The following UNC13C variants were observed in gnomAD, a reference collection of about 807,000 sequenced individuals.
UNC13C encodes protein unc-13 homolog C.
A neutral mutation model predicts 245.4 loss-of-function variants in UNC13C; 174 were observed. The ratio of observed to expected loss-of-function variants is 0.71; its 90% CI spans 0.63 to 0.80. The LOEUF (loss-of-function observed/expected upper bound fraction) is 0.80. Ranked by LOEUF, UNC13C falls within the 30% of genes least tolerant of loss-of-function variation. UNC13C has a pLI of 0.00. For synonymous variants in UNC13C, 992 were observed against 895.1 expected, an observed-to-expected ratio of 1.11 and a Z score of -1.93; for missense variants, 2,829 against 2,602.9, an observed-to-expected ratio of 1.09 and a Z score of -1.89.
chr15:54,215,235 A>G (rs2035005208), intron 4 of UNC13C, among the ~76,000 whole-genome samples: 1 of 151,888 alleles, frequency 6.6e-6, no homozygotes, highest in African/African-American at 2.4e-5. Flanking sequence ...CATTGAGAAA[A>G]CCTTCAGGAG....
chr15:53,896,536 A>T, the UNC13C span, among the ~76,000 whole-genome samples: 1 of 152,122 alleles, frequency 6.6e-6, no homozygotes, highest in Non-Finnish European at 1.5e-5. Context: ...TATCATAATA[A>T]TACATGGGAT....
rs35981072 is a variant in UNC13C at position 54,020,441 on chromosome 15, A to ATT, written c.2983+4576_2983+4577dup. Among the ~76,000 whole-genome samples the ATT allele has an allele frequency of 8.9e-3, 946 of 106,820 alleles. 31 individuals carry two copies. In the East Asian group the frequency reaches 0.11, roughly 13 times the overall value. 70.1% of individuals were successfully genotyped at this position (106,820 alleles called of 152,430 possible). A position where few individuals can be genotyped will look rare whatever the true frequency, so the allele number is the denominator to read the frequency against. ...AGGCATGCACCACCACGCCCAGCTA[A>ATT]TTTTTTTTTTTTTTTTTTTTTTAAT... On this transcript the variant is annotated intron_variant, in intron 2 of 32. Transcript: ENST00000260323.
At chr15:54,425,742 G>A (rs1232582592) in intron 19 of UNC13C, among the ~76,000 whole-genome samples, 2 of 151,846 alleles carry the variant, frequency 1.3e-5, no homozygotes, top group African/African-American at 4.8e-5. Context: ...GTTTGACATA[G>A]TGTGTTTATT....
At chr15:53,839,898 A>G in the UNC13C span, among the ~76,000 whole-genome samples, 1 of 152,082 alleles carries the variant, frequency 6.6e-6, no homozygotes, top group African/African-American at 2.4e-5. Flanking sequence ...TTTATGGAAG[A>G]CTGAACTCTT....
At chr15:54,221,488 A>G (rs971609161) in intron 4 of UNC13C, among the ~76,000 whole-genome samples, 1 of 151,828 alleles carries the variant, frequency 6.6e-6, no homozygotes, top group Non-Finnish European at 1.5e-5. Flanking sequence ...TATTATATAT[A>G]TAAAATACAT....
chr15:53,947,703 C>T, the UNC13C span: 2 of 152,134 alleles, frequency 1.3e-5, no homozygotes, highest in African/African-American at 4.8e-5. Context: ...TGTTTTGTAT[C>T]CATCAGAGGC....
rs1476997614 is a variant in UNC13C at position 54,013,269 on chromosome 15, A to T, written c.366A>T (p.Ser122=). Residue 122 remains serine, a synonymous_variant, in exon 2 of 33, where the codon TCA becomes TCT. Coordinates refer to ENST00000260323, the MANE Select transcript of UNC13C (RefSeq NM_001080534.3). ...AGGATCTGCTTCAAGAGCTCTCTTC[A>T]ATCGAGAGTTCCTACTCAGAATCAT... The part of the protein sequence containing the change: ...DNEDLLQELS[S]IESSYSESLN... 6.2e-7 allele frequency: 1 copy of T among 1,613,652 alleles called. No homozygotes were observed. Among genetic ancestry groups the T allele is most frequent in the African/African-American group, 1.3e-5 (1 of 74,928 alleles).
intron 17 of UNC13C, among the ~76,000 whole-genome samples, chr15:54,364,591 A>C (rs1283764628): frequency 6.6e-6 from 1 of 152,198 alleles, no homozygotes; most frequent in Non-Finnish European, 1.5e-5. Flanking sequence ...TTATACTTTT[A>C]GTGAAGTAGA....
At chr15:54,598,159 C>G (rs7178466) in intron 30 of UNC13C, among the ~76,000 whole-genome samples, 22,485 of 152,218 alleles carry the variant, frequency 0.15, 1,727 homozygotes, top group Middle Eastern at 0.24. Context: ...GGAATACCAT[C>G]TTGGCTCACT....
At chr15:54,453,701 T>A (rs1298763917) in intron 19 of UNC13C, among the ~76,000 whole-genome samples, 2 of 152,276 alleles carry the variant, frequency 1.3e-5, no homozygotes, top group African/African-American at 4.8e-5. Context: ...TTTTTTCTGA[T>A]GTTTTCAACA....
chr15:54,214,943 T>A (rs557224095), intron 4 of UNC13C, among the ~76,000 whole-genome samples: 1 of 147,746 alleles, frequency 6.8e-6, no homozygotes, highest in African/African-American at 2.4e-5. Flanking sequence ...ATTAAAGGGA[T>A]TTTTTTTCAA....
In UNC13C at chr15:54,015,200, T is replaced by C; in HGVS notation, c.2297T>C (p.Leu766Ser). The change falls in exon 2 of 33, where the codon TTG becomes TCG. Residue 766 changes from leucine (L) to serine (S), a missense_variant. By Grantham distance (145) the Leu-to-Ser change is moderately radical. Coordinates refer to ENST00000260323, the MANE Select transcript of UNC13C (RefSeq NM_001080534.3). ...ATGATGTATCGAAGTCAAAGTGAAT[T>C]GCAAAGTGATGATTCAGAGGATGCC... is the stretch of plus-strand genomic sequence containing the variant. ...LSMMYRSQSE[L>S]QSDDSEDAPP... is the part of the protein sequence containing the mutation. The C allele has an allele frequency of 6.2e-7, 1 of 1,613,140 alleles. No individual in the cohort carries two copies. The highest frequency in any genetic ancestry group is 8.5e-7 in the Non-Finnish European group (1 of 1,179,626).
chr15:54,193,006 G>C (rs2034238421), intron 4 of UNC13C, among the ~76,000 whole-genome samples: 1 of 151,946 alleles, frequency 6.6e-6, no homozygotes, highest in East Asian at 1.9e-4. Flanking sequence ...GTAACTCAAA[G>C]CTCACACTTG....
At chr15:54,479,272 A>G (rs984716574) in intron 19 of UNC13C, among the ~76,000 whole-genome samples, 15 of 152,068 alleles carry the variant, frequency 9.9e-5, no homozygotes, top group African/African-American at 3.4e-4. Flanking sequence ...TATTGGGTGC[A>G]TATATATTTA....
chr15:54,537,329 A>G (rs1173911063), intron 26 of UNC13C, among the ~76,000 whole-genome samples: 2 of 151,800 alleles, frequency 1.3e-5, no homozygotes, highest in African/African-American at 4.8e-5. Context: ...GAAAGAAATC[A>G]GAGATGACAC....
In UNC13C at chr15:54,555,445, G is replaced by A. The variant is rs376720061; in HGVS notation, c.5891G>A (p.Arg1964Gln). 1.2e-5 allele frequency: 19 copies of A among 1,612,268 alleles called. No individual in the cohort carries two copies. Among genetic ancestry groups the A allele is most frequent in the Middle Eastern group, 1.7e-4 (1 of 6,050 alleles). The change falls in exon 29 of 33, where the codon CGA (arginine) becomes CAA (glutamine). Residue 1964 changes from arginine (R) to glutamine (Q), a missense_variant. Arg to Gln is a conservative substitution (Grantham distance 43). Coordinates refer to ENST00000260323, the MANE Select transcript of UNC13C (RefSeq NM_001080534.3). ...QLSKLKEHMIREDARGLTPRQ... is the reference protein window; with the variant it reads ...QLSKLKEHMIQEDARGLTPRQ... ...CCTGTTTTCCAGGAGCACATGATTC[G>A]AGAGGATGCCAGGGGTCTGACGCCA... is the stretch of plus-strand genomic sequence containing the variant.
intron 32 of UNC13C, among the ~76,000 whole-genome samples, chr15:54,625,456 A>G (rs1393918156): frequency 6.6e-6 from 1 of 152,150 alleles, no homozygotes; most frequent in East Asian, 1.9e-4. Context: ...CAATTTACCA[A>G]GATGGAAGAA....
At chr15:54,205,120 G>A (rs559442113) in intron 4 of UNC13C, among the ~76,000 whole-genome samples, 5 of 152,008 alleles carry the variant, frequency 3.3e-5, no homozygotes, top group South Asian at 4.1e-4. Flanking sequence ...ACTCCCTAAC[G>A]GTCTGTTAAA....
At chr15:54,624,217 T>C (rs1466787824) in intron 32 of UNC13C, among the ~76,000 whole-genome samples, 1 of 152,156 alleles carries the variant, frequency 6.6e-6, no homozygotes, top group African/African-American at 2.4e-5. Flanking sequence ...GAGGAGTGTA[T>C]GATAAAGTCA....
Sources: gnomAD v4.1 joint callset for allele counts (sites outside exome capture counted in the v4.1 genomes callset) on GRCh38, gnomAD v4.1.1 for gene constraint, MANE v1.5 for transcripts, NCBI Gene and HGNC (gene_info 2026-07-23, HGNC 2026-07-21) for gene names.